TMEM126A: variants seen among roughly 807,000 people sequenced by gnomAD.
TMEM126A encodes the protein optic atrophy 7.
TMEM126A carries 10 observed loss-of-function variants against 18.3 expected under a neutral mutation model. The ratio of observed to expected loss-of-function variants is 0.55; its 90% CI spans 0.34 to 0.93. The LOEUF is 0.93. TMEM126A is among the 40% of genes least tolerant of loss of function. TMEM126A has a pLI of 0.02. For missense variants in TMEM126A, 246 were observed against 230.2 expected, an observed-to-expected ratio of 1.07 and a Z score of -0.44; for synonymous variants, 68 against 78.1, an observed-to-expected ratio of 0.87 and a Z score of 0.68.
At position 85,650,361 on chromosome 11, in the gene TMEM126A, TAA is replaced by T; in HGVS notation, c.86+24_86+25del. On this transcript the variant is annotated intron_variant, in intron 2 of 4. Coordinates refer to ENST00000304511, the MANE Select transcript of TMEM126A (RefSeq NM_032273.4). ...AGAAAGGTAAGATCCCTTCTTAATT[TAA>T]AAACACCTTTTATCAGGTGGATTTT... 1 of 1,508,034 alleles carries T rather than the reference TAA, an allele frequency of 6.6e-7. No homozygotes were observed. The highest frequency in any genetic ancestry group is 1.8e-4 in the Middle Eastern group (1 of 5,600). 93.4% of individuals were successfully genotyped at this position (1,508,034 alleles called of 1,614,324 possible).
intron 1 of TMEM126A, among the ~76,000 whole-genome samples, 165 bp downstream of exon 1, chr11:85,648,254 C>T (rs895911844): frequency 6.6e-6 from 1 of 152,168 alleles, no homozygotes; most frequent in Non-Finnish European, 1.5e-5. Flanking sequence ...GAAGGAAAGA[C>T]CTTATATTTA....
intron 1 of TMEM126A, among the ~76,000 whole-genome samples, 188 bp from the exon 2 acceptor site, chr11:85,650,061 T>C (rs1325744690): frequency 1.3e-5 from 2 of 152,254 alleles, no homozygotes; most frequent in African/African-American, 4.8e-5. Flanking sequence ...GAAGATATTC[T>C]GTATTTCCTA....
intron 1 of TMEM126A, among the ~76,000 whole-genome samples, chr11:85,649,804 C>T (rs1042558487): frequency 6.6e-6 from 1 of 152,154 alleles, no homozygotes; most frequent in Non-Finnish European, 1.5e-5. Flanking sequence ...TTGTGAAGTG[C>T]CTGTTCAAAT....
Position 85,654,193 on chromosome 11 carries a change from G to C in TMEM126A, c.217G>C (p.Gly73Arg). The change falls in exon 3 of 5, where the codon GGG becomes CGG. Residue 73 changes from glycine (G) to arginine (R), a missense_variant. Physicochemically the swap from Gly to Arg is moderately radical, Grantham distance 125. Transcript: ENST00000304511. The part of the protein sequence containing the change: ...ARIAAGLPMA[G>R]IPFLTTDLTY... ...CATAGCTGCTGGCTTACCAATGGCA[G>C]GGATACCTTTTCTTACAACAGACTT... is the stretch of plus-strand genomic sequence containing the variant. 1 of 1,614,198 alleles carries C rather than the reference G, an allele frequency of 6.2e-7. No individual in the cohort carries two copies. The highest frequency in any genetic ancestry group is 8.5e-7 in the Non-Finnish European group (1 of 1,180,030).
In TMEM126A at chr11:85,650,293, C is replaced by T. The variant is rs1452600988; in HGVS notation, c.38C>T (p.Thr13Ile). The change falls in exon 2 of 5, where the codon ACA becomes ATA. Residue 13 changes from threonine to isoleucine, a missense_variant. Thr to Ile is a moderately conservative substitution (Grantham distance 89). Transcript: ENST00000304511. ...AAATCCAATAATAAGGAAAACATAA[C>T]AATTGTTGATATATCCAGAAAAATT... ...NHKSNNKENI[T>I]IVDISRKINQ... 1.2e-6 allele frequency: 2 copies of T among 1,608,132 alleles called. No homozygotes were observed. Among genetic ancestry groups the T allele is most frequent in the South Asian group, 1.1e-5 (1 of 90,528 alleles).
chr11:85,650,744 G>C (rs183191559), intron 2 of TMEM126A, among the ~76,000 whole-genome samples: 1 of 152,264 alleles, frequency 6.6e-6, no homozygotes, highest in African/African-American at 2.4e-5. Flanking sequence ...GAATGTCAGA[G>C]AAATAGGATC....
chr11:85,649,470 C>T (rs56838978), intron 1 of TMEM126A, among the ~76,000 whole-genome samples: 9,601 of 152,264 alleles, frequency 0.063, 983 homozygotes, highest in African/African-American at 0.22. Context: ...AAGCCTACCA[C>T]ATTTACATCT....
chr11:85,650,398 T>A, intron 2 of TMEM126A, 57 bp downstream of exon 2: 1 of 1,228,642 alleles, frequency 8.1e-7, no homozygotes, highest in East Asian at 2.3e-5. Context: ...TCACCATTGA[T>A]TCATTATCTC....
intron 4 of TMEM126A, 133 bp downstream of exon 4, chr11:85,655,841 C>T: frequency 3.1e-6 from 2 of 639,532 alleles, no homozygotes; most frequent in South Asian, 1.9e-5. Context: ...TTAGCAAGAC[C>T]TGTTTTTTCT....
At position 85,656,345 on chromosome 11, in the gene TMEM126A, CT is replaced by C; in HGVS notation, c.434del (p.Leu145Ter). The C allele has an allele frequency of 6.2e-7, 1 of 1,612,310 alleles. No individual in the cohort carries two copies. Among genetic ancestry groups the C allele is most frequent in the African/African-American group, 1.3e-5 (1 of 74,984 alleles). ...CTCTGTTACCACACAAAGGGAACAT[CT>C]TAAGTTACTGGATTAGAACTTCTAA... is the stretch of plus-strand genomic sequence containing the variant. ...SALLPHKGNI[L>X]SYWIRTSKPV... is the part of the protein sequence containing the mutation. On this transcript the variant is annotated frameshift_variant, in exon 5 of 5. Transcript: ENST00000304511. LOFTEE classifies it high-confidence loss of function.
intron 2 of TMEM126A, among the ~76,000 whole-genome samples, chr11:85,652,761 CATA>C (rs2082510277): frequency 6.6e-6 from 1 of 151,758 alleles, no homozygotes; most frequent in South Asian, 2.1e-4. Context: ...GTATATGTAA[CATA>C]CTTGTAAACA....
chr11:85,651,935 G>T (rs1313968272), intron 2 of TMEM126A, among the ~76,000 whole-genome samples: 1 of 152,148 alleles, frequency 6.6e-6, no homozygotes, highest in African/African-American at 2.4e-5. Flanking sequence ...AGGCGGAGGC[G>T]GGCTGGTCAC....
chr11:85,652,444 T>G (rs1252488328), intron 2 of TMEM126A, among the ~76,000 whole-genome samples: 1 of 152,246 alleles, frequency 6.6e-6, no homozygotes, highest in Non-Finnish European at 1.5e-5. Flanking sequence ...TGTCCTTCAG[T>G]GTATGGAGCT....
chr11:85,656,337 G>A lies in TMEM126A; in HGVS notation c.424G>A (p.Gly142Arg). 6.2e-7 allele frequency: 1 copy of A among 1,611,930 alleles called. No individual in the cohort carries two copies. The highest frequency in any genetic ancestry group is 8.5e-7 in the Non-Finnish European group (1 of 1,179,502). The change falls in exon 5 of 5, where the codon GGG (glycine) becomes AGG (arginine). Residue 142 changes from glycine to arginine, a missense_variant. Gly to Arg is a moderately radical substitution (Grantham distance 125). Coordinates refer to ENST00000304511, the MANE Select transcript of TMEM126A (RefSeq NM_032273.4). ...RYQSALLPHK[G>R]NILSYWIRTS... ...TCAATCAGCTCTGTTACCACACAAA[G>A]GGAACATCTTAAGTTACTGGATTAG...
chr11:85,650,443 T>A (rs1328115231), intron 2 of TMEM126A, 102 bp downstream of exon 2: 2 of 915,340 alleles, frequency 2.2e-6, no homozygotes, highest in Admixed American at 2.1e-5. Flanking sequence ...CAACATGGAA[T>A]GTGAGAAGGA....
intron 4 of TMEM126A, 148 bp from the exon 5 acceptor site, chr11:85,656,159 CAA>C: frequency 1.4e-6 from 1 of 730,580 alleles, no homozygotes; most frequent in Non-Finnish European, 2.2e-6. Flanking sequence ...GATAAAGAAA[CAA>C]AAGTTTTTAG....
chr11:85,655,550 TTGAC>T (rs976782786), intron 3 of TMEM126A, 40 bp from the exon 4 acceptor site: 8 of 1,376,756 alleles, frequency 5.8e-6, no homozygotes, highest in Non-Finnish European at 8.3e-6. Flanking sequence ...TCATGTTTGC[TTGAC>T]TATCATGACC....
At chr11:85,651,871 A>G (rs1210025934) in intron 2 of TMEM126A, among the ~76,000 whole-genome samples, 1 of 152,134 alleles carries the variant, frequency 6.6e-6, no homozygotes, top group East Asian at 1.9e-4. Flanking sequence ...AAGACTAATA[A>G]AAGAGTAGTA....
At chr11:85,651,271 C>A (rs2082498139) in intron 2 of TMEM126A, among the ~76,000 whole-genome samples, 1 of 152,062 alleles carries the variant, frequency 6.6e-6, no homozygotes, top group Admixed American at 6.6e-5. Flanking sequence ...GAGGGAATGG[C>A]ATATGCCTAG....
Sources: allele counts gnomAD v4.1 joint callset (sites outside exome capture counted in the v4.1 genomes callset), GRCh38; gene constraint gnomAD v4.1.1; transcripts MANE v1.5; gene names NCBI Gene and HGNC (gene_info 2026-07-23, HGNC 2026-07-21).